The following SFTPD variants were observed in gnomAD, a reference collection of about 807,000 sequenced individuals.
The protein encoded by SFTPD is surfactant protein D.
SFTPD carries 18 observed loss-of-function variants against 34.6 expected under a neutral mutation model. The ratio of observed to expected loss-of-function variants is 0.52; its 90% CI spans 0.36 to 0.77. The LOEUF (loss-of-function observed/expected upper bound fraction) is 0.77, where lower values mean the gene tolerates loss of function less well. Among genes scored for constraint, SFTPD ranks in the 30% least tolerant of loss-of-function variants. SFTPD has a pLI of 0.00. For missense variants in SFTPD, 433 were observed against 468.9 expected (o/e 0.92, Z 0.71); for synonymous variants, 155 against 180.9 (o/e 0.86, Z 1.15).
At chr10:79,941,651 C>G (rs1842612742) in intron 5 of SFTPD, 137 bp from the exon 6 acceptor site, 1 of 683,944 alleles carries the variant, frequency 1.5e-6, no homozygotes, top group Non-Finnish European at 2.5e-6. Flanking sequence ...CCCAGCCATG[C>G]AGCTCCCTGT....
At chr10:79,957,967 C>T (rs1381461295) in intron 1 of SFTPD, among the ~76,000 whole-genome samples, 3 of 152,214 alleles carry the variant, frequency 2.0e-5, no homozygotes, top group East Asian at 1.9e-4. Context: ...AGAAACTCTA[C>T]AAGCCAGAAG....
At chr10:79,971,199 C>T (rs1006567100) in intron 1 of SFTPD, 2 of 152,098 alleles carry the variant, frequency 1.3e-5, no homozygotes, top group Admixed American at 1.3e-4. Flanking sequence ...ACCATCCCTG[C>T]AATAAATCCC....
chr10:79,961,620 C>T (rs943931772), intron 1 of SFTPD, among the ~76,000 whole-genome samples: 54 of 152,152 alleles, frequency 3.5e-4, no homozygotes, highest in African/African-American at 1.2e-3. Flanking sequence ...GTTAGAATGG[C>T]GATCATTAAA....
chr10:79,965,644 C>T (rs1303040535), intron 1 of SFTPD, among the ~76,000 whole-genome samples: 4 of 101,554 alleles, frequency 3.9e-5, no homozygotes, highest in African/African-American at 1.8e-4. Flanking sequence ...AGGTTAGTTA[C>T]ATATGTATAC....
intron 1 of SFTPD, among the ~76,000 whole-genome samples, chr10:79,974,440 C>T (rs1842853122): frequency 6.6e-6 from 1 of 152,058 alleles, no homozygotes; most frequent in African/African-American, 2.4e-5. Context: ...TGAGCCACCA[C>T]ACCCAGCCAC....
At chr10:79,955,653 T>G (rs1490992429) in intron 1 of SFTPD, among the ~76,000 whole-genome samples, 2 of 152,248 alleles carry the variant, frequency 1.3e-5, no homozygotes, top group South Asian at 4.1e-4. Flanking sequence ...GTCAATGGGC[T>G]GAATCCAATT....
At position 79,946,595 on chromosome 10, in the gene SFTPD, T is replaced by C. The variant is rs17851984; in HGVS notation, c.65A>G (p.Glu22Gly). The change falls in exon 2 of 8, where the codon GAA becomes GGA. Residue 22 changes from glutamate to glycine, a missense_variant. Coordinates refer to ENST00000372292, the MANE Select transcript of SFTPD (RefSeq NM_003019.5). ...TGTTCTGTGGGAGTAGGTCTTCATT[T>C]CTGCTTCCAGGTAGCCCAGGGGCTG... ...LTQPLGYLEA[E>G]MKTYSHRTMP... 1 of 1,614,206 alleles carries C rather than the reference T, an allele frequency of 6.2e-7. No individual in the cohort carries two copies. The highest frequency in any genetic ancestry group is 1.7e-5 in the Admixed American group (1 of 60,032).
At chr10:79,955,184 A>G (rs939605778) in intron 1 of SFTPD, among the ~76,000 whole-genome samples, 1 of 152,072 alleles carries the variant, frequency 6.6e-6, no homozygotes, top group African/African-American at 2.4e-5. Flanking sequence ...GTTGGGTCTG[A>G]TCACCCCAAC....
upstream of SFTPD, among the ~76,000 whole-genome samples, chr10:79,953,484 G>A (rs140444770): frequency 1.3e-5 from 2 of 151,042 alleles, no homozygotes; most frequent in East Asian, 2.0e-4. Flanking sequence ...GGTCTGCAGG[G>A]TTTCCACTGA....
At chr10:79,953,096 C>G (rs1842720021), upstream of SFTPD, among the ~76,000 whole-genome samples, 1 of 152,236 alleles carries the variant, frequency 6.6e-6, no homozygotes, top group East Asian at 1.9e-4. Context: ...GTATTCCACT[C>G]AGACCATGAT....
intron 1 of SFTPD, among the ~76,000 whole-genome samples, chr10:79,963,011 A>G (rs1842783506): frequency 6.6e-6 from 1 of 152,102 alleles, no homozygotes; most frequent in Non-Finnish European, 1.5e-5. Context: ...CCATCTGTCT[A>G]CCTACCTTTC....
Position 79,946,449 on chromosome 10 carries a change from G to GC in SFTPD, c.199+11dup. 6.2e-7 allele frequency: 1 copy of GC among 1,605,938 alleles called. No individual in the cohort carries two copies. The highest frequency in any genetic ancestry group is 8.5e-7 in the Non-Finnish European group (1 of 1,173,074). On this transcript the variant is annotated intron_variant, in intron 2 of 7. Transcript: ENST00000372292. ...TCCTCCCCAGCAGGATAAGCCCAGG[G>GC]CCCCACCCTACCTGGGTCCCCCTTC...
At chr10:79,953,745 A>AC (rs1383855480), upstream of SFTPD, among the ~76,000 whole-genome samples, 14 of 151,976 alleles carry the variant, frequency 9.2e-5, no homozygotes, top group Non-Finnish European at 2.1e-4. Context: ...TTTAAATTCT[A>AC]CCCCCTTTTC....
intron 2 of SFTPD, among the ~76,000 whole-genome samples, chr10:79,943,282 C>T (rs537057835): frequency 9.2e-5 from 14 of 152,234 alleles, no homozygotes; most frequent in African/African-American, 2.2e-4. Context: ...AGTTATTGGT[C>T]GATTTGCTCA....
chr10:79,939,405 T>C (rs143294612), intron 7 of SFTPD, among the ~76,000 whole-genome samples: 33 of 152,380 alleles, frequency 2.2e-4, no homozygotes, highest in Middle Eastern at 6.8e-3. Context: ...TAAGAGTTCA[T>C]GTACCATTAC....
chr10:79,962,959 C>G (rs1335874548), intron 1 of SFTPD, among the ~76,000 whole-genome samples: 1 of 152,080 alleles, frequency 6.6e-6, no homozygotes, highest in Non-Finnish European at 1.5e-5. Context: ...TGTCTCTATT[C>G]TATCTGTGTA....
At chr10:79,962,114 G>A in intron 1 of SFTPD, among the ~76,000 whole-genome samples, 1 of 130,172 alleles carries the variant, frequency 7.7e-6, no homozygotes, top group Non-Finnish European at 1.6e-5. Flanking sequence ...ATGGACACAG[G>A]AAGGGGAACA....
chr10:79,941,940 T>C lies in SFTPD; in HGVS notation c.550+14A>G. On this transcript the variant is annotated intron_variant, in intron 5 of 7. Coordinates refer to ENST00000372292, the MANE Select transcript of SFTPD (RefSeq NM_003019.5). Reference sequence around the variant, plus strand: ...AACTGGACCCAGCCCAGCCCAGCTCTTTCCACTGCTCACCTGCTGCCCCTG... The same window carrying C: ...AACTGGACCCAGCCCAGCCCAGCTCCTTCCACTGCTCACCTGCTGCCCCTG... 1 of 1,564,488 alleles carries C rather than the reference T, an allele frequency of 6.4e-7. No homozygotes were observed. Among genetic ancestry groups the C allele is most frequent in the Non-Finnish European group, 8.8e-7 (1 of 1,136,036 alleles).
At chr10:79,966,751 G>A (rs1239297733) in intron 1 of SFTPD, among the ~76,000 whole-genome samples, 4 of 143,724 alleles carry the variant, frequency 2.8e-5, no homozygotes, top group Admixed American at 1.4e-4. Context: ...ATCTTGAATT[G>A]ATTTTTGTAT....
Sources: allele counts gnomAD v4.1 joint callset (sites outside exome capture counted in the v4.1 genomes callset), GRCh38; gene constraint gnomAD v4.1.1; transcripts MANE v1.5; gene names NCBI Gene and HGNC (gene_info 2026-07-23, HGNC 2026-07-21).